The following TTLL10 variants were observed in gnomAD, a reference collection of about 807,000 sequenced individuals.
The protein encoded by TTLL10 is inactive polyglycylase TTLL10.
TTLL10 carries 61 observed loss-of-function variants against 69.0 expected under a neutral mutation model. The observed-to-expected ratio is 0.88, with a 90% CI of 0.72 to 1.09. TTLL10 has a LOEUF of 1.09. Ranked by LOEUF, TTLL10 falls within the 50% of genes least tolerant of loss-of-function variation. TTLL10 has a pLI of 0.00. For missense variants in TTLL10, 962 were observed against 945.9 expected (o/e 1.02, Z -0.22); for synonymous variants, 408 against 393.3 (o/e 1.04, Z -0.44).
chr1:1,194,193 T>G (rs752271635), intron 13 of TTLL10, among the ~76,000 whole-genome samples: 20 of 152,176 alleles, frequency 1.3e-4, no homozygotes, highest in Non-Finnish European at 1.6e-4. Context: ...AATTCAGTTT[T>G]TTATTAATAC....
At chr1:1,196,428 T>C in intron 13 of TTLL10, 172 bp from the exon 14 acceptor site, 1 of 607,874 alleles carries the variant, frequency 1.6e-6, no homozygotes, top group East Asian at 2.8e-5. Flanking sequence ...GTTGAGTGAG[T>C]TTCTGGCTGT....
Position 1,195,500 on chromosome 1 carries a change from C to CTTTTTTT in TTLL10, c.1402-1088_1402-1082dup, listed in dbSNP as rs1168016636. Among the ~76,000 whole-genome samples the CTTTTTTT allele has an allele frequency of 5.1e-4, 50 of 98,770 alleles. 2 individuals are homozygous for CTTTTTTT. The highest frequency in any genetic ancestry group is 1.5e-3 in the African/African-American group (37 of 24,078). 64.8% of individuals were successfully genotyped at this position (98,770 alleles called of 152,430 possible). ...TATTTGATAAGACATCATCGTCATA[C>CTTTTTTT]TTTTTTTTTTTTTTTTTTAGTTTTA... On this transcript the variant is annotated intron_variant, in intron 13 of 15. Coordinates refer to ENST00000379289, the MANE Select transcript of TTLL10 (RefSeq NM_001130045.2).
In TTLL10 at chr1:1,183,941, G is replaced by A. The variant is rs1438405270; in HGVS notation, c.1110G>A (p.Leu370=). The A allele has an allele frequency of 6.2e-7, 1 of 1,614,090 alleles. No homozygotes were observed. The highest frequency in any genetic ancestry group is 1.3e-5 in the African/African-American group (1 of 74,930). ...VVQRYIQNPL[L]VDGRKFDVRS... ...CCAGGTACATCCAGAACCCGCTGCTGGTGGACGGGAGAAAGTTTGACGTGC... is the reference window on the plus strand; with the variant it reads ...CCAGGTACATCCAGAACCCGCTGCTAGTGGACGGGAGAAAGTTTGACGTGC... Residue 370 remains leucine, a synonymous_variant, in exon 12 of 16, where the codon CTG becomes CTA. Coordinates refer to ENST00000379289, the MANE Select transcript of TTLL10 (RefSeq NM_001130045.2).
chr1:1,176,093 A>T (rs752120955), intron 3 of TTLL10: 14 of 428,570 alleles, frequency 3.3e-5, no homozygotes, highest in South Asian at 2.2e-4. Context: ...GTGCAGGTGG[A>T]GAGACTGCTG....
chr1:1,179,819 T>C (rs1288360794), intron 5 of TTLL10, 82 bp downstream of exon 5: 2 of 1,468,820 alleles, frequency 1.4e-6, no homozygotes, highest in Non-Finnish European at 1.8e-6. Context: ...GCAGGAAGCC[T>C]GGCCCTGGAG....
At position 1,182,394 on chromosome 1, in the gene TTLL10, C is replaced by G; in HGVS notation, c.864C>G (p.Thr288=). 1 of 1,613,972 alleles carries G rather than the reference C, an allele frequency of 6.2e-7. No individual in the cohort carries two copies. The highest frequency in any genetic ancestry group is 8.5e-7 in the Non-Finnish European group (1 of 1,179,942). ...VLRMEEFFPE[T]YRLDLKHERE... The stretch of plus-strand genomic sequence containing the variant: ...GAATGGAAGAGTTTTTCCCAGAGAC[C>G]TACCGCCTGGACCTCAAACACGAGA... Residue 288 remains threonine (T), a synonymous_variant, in exon 10 of 16, where the codon ACC becomes ACG. Transcript: ENST00000379289.
At chr1:1,197,402 G>T (rs931239732) in intron 15 of TTLL10, 36 bp from the exon 16 acceptor site, 1 of 1,079,934 alleles carries the variant, frequency 9.3e-7, no homozygotes, top group Non-Finnish European at 1.2e-6. Flanking sequence ...CCCAGCCTCT[G>T]CCCCCCACTC....
At position 1,196,614 on chromosome 1, in the gene TTLL10, G is replaced by T; in HGVS notation, c.1416G>T (p.Gln472His). The change falls in exon 14 of 16, where the codon CAG becomes CAT. Residue 472 changes from glutamine to histidine, a missense_variant. Coordinates refer to ENST00000379289, the MANE Select transcript of TTLL10 (RefSeq NM_001130045.2). ...VFTTLKKRMQQIMAHCFLAAK... is the reference protein window; with the variant it reads ...VFTTLKKRMQHIMAHCFLAAK... ...CCTCCCTGCAGAAGCGGATGCAGCA[G>T]ATCATGGCCCACTGCTTTCTGGCCG... is the stretch of plus-strand genomic sequence containing the variant. The T allele has an allele frequency of 6.4e-7, 1 of 1,551,666 alleles. No individual in the cohort carries two copies. The highest frequency in any genetic ancestry group is 8.7e-7 in the Non-Finnish European group (1 of 1,146,904).
Position 1,182,468 on chromosome 1 carries a change from A to G in TTLL10, c.916+22A>G, listed in dbSNP as rs543448938. 10 of 1,611,500 alleles carry G rather than the reference A, an allele frequency of 6.2e-6. No homozygotes were observed. In the African/African-American group the frequency reaches 8.0e-5, roughly 13 times the overall value. On this transcript the variant is annotated intron_variant, in intron 10 of 15. Transcript: ENST00000379289. ...GATGGTGAGACGCTGCTGGCCGGAC[A>G]CCAGGCTGGCCCTGGGGAGACAGGG... is the stretch of plus-strand genomic sequence containing the variant.
chr1:1,196,112 C>T (rs921418806), intron 13 of TTLL10, among the ~76,000 whole-genome samples: 2 of 152,170 alleles, frequency 1.3e-5, no homozygotes, highest in Non-Finnish European at 1.5e-5. Flanking sequence ...TGGGATCTTC[C>T]AAGGAACTAC....
At position 1,181,362 on chromosome 1, in the gene TTLL10, G is replaced by A. The variant is rs1300334311; in HGVS notation, c.756-379G>A. ...GCCGTCCATCGCTCACCCAAGTCTG[G>A]GCCATCCATCCTAGCGACTTCGTCC... On this transcript the variant is annotated intron_variant, in intron 8 of 15. Transcript: ENST00000379289. The surrounding 1 kb of genome is among the most constrained non-coding windows in gnomAD (Gnocchi z 4.6). Among the ~76,000 whole-genome samples the A allele has an allele frequency of 6.6e-6, 1 of 151,654 alleles. No homozygotes were observed. Among genetic ancestry groups the A allele is most frequent in the South Asian group, 2.1e-4 (1 of 4,804 alleles).
rs1647064227 is a variant in TTLL10, at chr1:1,181,387, C to T, written c.756-354C>T. Among the ~76,000 whole-genome samples, 1 of 152,040 alleles carries T rather than the reference C, an allele frequency of 6.6e-6. No homozygotes were observed. The highest frequency in any genetic ancestry group is 1.5e-5 in the Non-Finnish European group (1 of 68,016). On this transcript the variant is annotated intron_variant, in intron 8 of 15. Transcript: ENST00000379289. This position sits in a 1 kb window ranked among gnomAD's most constrained non-coding sequence, Gnocchi z 4.6. ...GGCCATCCATCCTAGCGACTTCGTC[C>T]TCCTGCTCCCAGCCCTGCCCACTGC...
At position 1,185,206 on chromosome 1, in the gene TTLL10, C is replaced by T. The variant is rs894580299; in HGVS notation, c.1401+97C>T. The T allele has an allele frequency of 7.1e-6, 11 of 1,544,518 alleles. No individual in the cohort carries two copies. Among genetic ancestry groups the T allele is most frequent in the African/African-American group, 5.5e-5 (4 of 72,270 alleles). On this transcript the variant is annotated intron_variant, in intron 13 of 15. Transcript: ENST00000379289. The surrounding 1 kb of genome is among the most constrained non-coding windows in gnomAD (Gnocchi z 6.1). The stretch of plus-strand genomic sequence containing the variant: ...CAGGCACACAGATGTCCGTGGCGTG[C>T]GTGGGCGGCTGCGCTGAAGTGTGAC...
At chr1:1,197,030 C>A in intron 14 of TTLL10, 63 bp from the exon 15 acceptor site, 1 of 1,447,680 alleles carries the variant, frequency 6.9e-7, no homozygotes, top group Non-Finnish European at 9.5e-7. Context: ...AGGACCAGGG[C>A]CTCTGCCTCC....
chr1:1,180,304 C>T lies in TTLL10; in HGVS notation c.470C>T (p.Pro157Leu). The change falls in exon 6 of 16, where the codon CCC becomes CTC. Residue 157 changes from proline to leucine, a missense_variant. Pro to Leu is a moderately conservative substitution (Grantham distance 98). Coordinates refer to ENST00000379289, the MANE Select transcript of TTLL10 (RefSeq NM_001130045.2). The stretch of plus-strand genomic sequence containing the variant: ...TCGCCCCACAGCACCCGGCCGGGGC[C>T]CTTCTTCTACATTGGAGGCAGCAAC... ...KPSPHSTRPG[P>L]FFYIGGSNGA... 1 of 1,585,924 alleles carries T rather than the reference C, an allele frequency of 6.3e-7. No homozygotes were observed. The highest frequency in any genetic ancestry group is 8.6e-7 in the Non-Finnish European group (1 of 1,167,156).
At chr1:1,179,139 G>A (rs150461572) in intron 3 of TTLL10, 50 bp from the exon 4 acceptor site, 59 of 1,288,404 alleles carry the variant, frequency 4.6e-5, no homozygotes, top group Admixed American at 8.1e-5. Flanking sequence ...CTGGGGCCTC[G>A]GGCCGCGCGG....
At chr1:1,183,406 C>A (rs1437067346) in intron 11 of TTLL10, among the ~76,000 whole-genome samples, 1 of 152,212 alleles carries the variant, frequency 6.6e-6, no homozygotes, top group Non-Finnish European at 1.5e-5. Flanking sequence ...CCACTCCTTC[C>A]CTGAGTGGGA....
At chr1:1,194,243 A>G (rs1046493100) in intron 13 of TTLL10, among the ~76,000 whole-genome samples, 1 of 152,238 alleles carries the variant, frequency 6.6e-6, no homozygotes, top group Non-Finnish European at 1.5e-5. Flanking sequence ...CACTGCTCCT[A>G]AAAGTATACA....
intron 11 of TTLL10, 23 bp downstream of exon 11, chr1:1,183,070 G>A (rs1647129177): frequency 6.4e-7 from 1 of 1,573,128 alleles, no homozygotes. Flanking sequence ...GTGCCCGGAG[G>A]GGTGAGGGTC....
Sources: gnomAD v4.1 joint callset for allele counts (sites outside exome capture counted in the v4.1 genomes callset) on GRCh38, gnomAD v4.1.1 for gene constraint, Gnocchi (gnomAD v3.1) non-coding constraint, MANE v1.5 for transcripts, NCBI Gene and HGNC (gene_info 2026-07-23, HGNC 2026-07-21) for gene names.